WWP2: variants seen among roughly 807,000 people sequenced by gnomAD.
WWP2 encodes NEDD4-like E3 ubiquitin-protein ligase WWP2.
A neutral mutation model predicts 121.0 loss-of-function variants in WWP2; 57 were observed. The observed-to-expected ratio is 0.47, with a 90% CI of 0.38 to 0.59. The LOEUF is 0.59. Ranked by LOEUF, WWP2 falls within the 20% of genes least tolerant of loss-of-function variation. The pLI is 0.00. For missense variants in WWP2, 962 were observed against 1,158.9 expected (o/e 0.83, Z 2.47); for synonymous variants, 449 against 441.3 (o/e 1.02, Z -0.22).
At chr16:69,762,998 AG>A (rs1436994578) in intron 1 of WWP2, among the ~76,000 whole-genome samples, 1 of 152,164 alleles carries the variant, frequency 6.6e-6, no homozygotes, top group Admixed American at 6.5e-5. Flanking sequence ...TTGGGAGCCT[AG>A]CCCTTCAGCT....
rs1177783299 is a variant in WWP2 at position 69,795,257 on chromosome 16, G to GAC, written c.71-3424_71-3423insCA. ...GGTTTTACCTAGGAAAAAAAATGCG[G>GAC]ATACACACACACACACACACACACA... On this transcript the variant is annotated intron_variant, in intron 2 of 23. Transcript: ENST00000359154. Among the ~76,000 whole-genome samples, 409 of 56,550 alleles carry GAC rather than the reference G, an allele frequency of 7.2e-3. 1 individual carries two copies. Among genetic ancestry groups the GAC allele is most frequent in the African/African-American group, 0.031 (393 of 12,672 alleles). 37.1% of individuals were successfully genotyped at this position (56,550 alleles called of 152,430 possible). A position where few individuals can be genotyped will look rare whatever the true frequency, so the allele number is the denominator to read the frequency against.
At chr16:69,874,469 C>T (rs1004308982) in intron 7 of WWP2, among the ~76,000 whole-genome samples, 2 of 152,150 alleles carry the variant, frequency 1.3e-5, no homozygotes, top group Non-Finnish European at 2.9e-5. Flanking sequence ...CTGCGCACTG[C>T]AGTTATGCAT....
chr16:69,796,487 C>G (rs904389021), intron 2 of WWP2, among the ~76,000 whole-genome samples: 1 of 152,248 alleles, frequency 6.6e-6, no homozygotes, highest in Admixed American at 6.5e-5. Flanking sequence ...GATCACGTGG[C>G]TGACTGGTGT....
At position 69,872,058 on chromosome 16, in the gene WWP2, CTG is replaced by C. The variant is rs1364705827; in HGVS notation, c.703+128_703+129del. 1.5e-4 allele frequency: 202 copies of C among 1,383,970 alleles called. 1 individual carries two copies. In the East Asian group the frequency reaches 5.0e-3, roughly 34 times the overall value. The allele number at this position is 1,383,970 out of a possible 1,614,324, so 85.7% of individuals were successfully genotyped here. On this transcript the variant is annotated intron_variant, in intron 7 of 23. Transcript: ENST00000359154. ...GGCGTCAGAAGGCTCTAGGACTAAACTGGATTTGAATCCATCAGTCTTTCTAC... is the reference window on the plus strand; with the variant it reads ...GGCGTCAGAAGGCTCTAGGACTAAACGATTTGAATCCATCAGTCTTTCTAC...
At chr16:69,939,447 G>A (rs201053246) in intron 23 of WWP2, 34 bp downstream of exon 23, 6 of 1,610,246 alleles carry the variant, frequency 3.7e-6, no homozygotes, top group Admixed American at 3.3e-5. Flanking sequence ...AGGTCGGGGG[G>A]CCTCAGACCC....
At chr16:69,882,859 G>A (rs2057855757) in intron 7 of WWP2, among the ~76,000 whole-genome samples, 2 of 152,052 alleles carry the variant, frequency 1.3e-5, no homozygotes, top group South Asian at 4.1e-4. Flanking sequence ...ACAGTTAAAA[G>A]TTAATACAGC....
intron 4 of WWP2, among the ~76,000 whole-genome samples, chr16:69,826,430 G>A (rs1227292658): frequency 2.0e-5 from 3 of 151,548 alleles, no homozygotes; most frequent in Non-Finnish European, 4.4e-5. Flanking sequence ...AAATTAGCCG[G>A]GCGTGATGGT....
chr16:69,816,722 TACAC>T (rs1243096430), intron 4 of WWP2, among the ~76,000 whole-genome samples: 3 of 152,224 alleles, frequency 2.0e-5, no homozygotes, highest in African/African-American at 7.2e-5. Context: ...CACATGTACA[TACAC>T]ACATGCACAC....
At chr16:69,912,923 CAAAAAAAAAAAAAAAAAAAAA>C in intron 9 of WWP2, among the ~76,000 whole-genome samples, 1 of 2,098 alleles carries the variant, frequency 4.8e-4, no homozygotes, top group Non-Finnish European at 6.1e-4. Flanking sequence ...CTCTACAAAA[CAAAAAAAAAAAAAAAAAAAAA>C]AAAAAAAAAA....
At chr16:69,835,813 TTTTTTTTGAGACAGAGTC>T (rs1340234734) in intron 4 of WWP2, among the ~76,000 whole-genome samples, 1 of 151,770 alleles carries the variant, frequency 6.6e-6, no homozygotes, top group Non-Finnish European at 1.5e-5. Context: ...AATTTTTTTT[TTTTTTTTGAGACAGAGTC>T]TTGCTCTGTT....
chr16:69,789,402 G>A (rs753799970), intron 2 of WWP2, among the ~76,000 whole-genome samples: 11 of 152,122 alleles, frequency 7.2e-5, no homozygotes, highest in Admixed American at 1.3e-4. Context: ...GCTACTTTTT[G>A]TATATTTAGT....
At chr16:69,796,754 T>C (rs2056055957) in intron 2 of WWP2, among the ~76,000 whole-genome samples, 1 of 152,236 alleles carries the variant, frequency 6.6e-6, no homozygotes, top group African/African-American at 2.4e-5. Context: ...CCCTGGGCCA[T>C]GCCTCAGTAC....
intron 6 of WWP2, among the ~76,000 whole-genome samples, chr16:69,848,759 A>G (rs62051391): frequency 0.047 from 7,152 of 151,824 alleles, 265 homozygotes; most frequent in Non-Finnish European, 0.062. Context: ...CGCACATGAG[A>G]GAGTGTGTAT....
chr16:69,841,074 A>G (rs2056968756), intron 5 of WWP2, among the ~76,000 whole-genome samples: 1 of 152,194 alleles, frequency 6.6e-6, no homozygotes, highest in South Asian at 2.1e-4. Flanking sequence ...CACTCATTCA[A>G]CACATATATA....
At chr16:69,862,973 G>A (rs940823097) in intron 6 of WWP2, among the ~76,000 whole-genome samples, 1 of 151,656 alleles carries the variant, frequency 6.6e-6, no homozygotes, top group African/African-American at 2.4e-5. Context: ...GCAGTCCTCC[G>A]CCCTTGGCCT....
At chr16:69,843,951 G>T (rs550388315) in intron 6 of WWP2, among the ~76,000 whole-genome samples, 1 of 152,150 alleles carries the variant, frequency 6.6e-6, no homozygotes, top group African/African-American at 2.4e-5. Context: ...GCCAATACCC[G>T]CAGCATCTTA....
intron 19 of WWP2, chr16:69,936,746 G>A (rs1195560797): frequency 7.9e-6 from 4 of 504,202 alleles, no homozygotes; most frequent in East Asian, 3.6e-5. Context: ...ATCTTTCTCC[G>A]GGCCGAAAGG....
Position 69,844,489 on chromosome 16 carries a change from C to T in WWP2, c.575+2369C>T, listed in dbSNP as rs75979388. ...CACCCATATAACTTAATTTGGGGCT[C>T]AAAGTCAGATTCAGCTATTAACAAG... On this transcript the variant is annotated intron_variant, in intron 6 of 23. Coordinates refer to ENST00000359154, the MANE Select transcript of WWP2 (RefSeq NM_001270454.2). Among the ~76,000 whole-genome samples the T allele has an allele frequency of 8.7e-3, 1,314 of 151,734 alleles. 9 individuals are homozygous for T. Among genetic ancestry groups the T allele is most frequent in the Non-Finnish European group, 0.013 (882 of 67,986 alleles).
At chr16:69,838,962 T>C (rs2056925467) in intron 4 of WWP2, 1 of 916,324 alleles carries the variant, frequency 1.1e-6, no homozygotes, top group Admixed American at 6.8e-5. Context: ...CTTAAAGGGT[T>C]GTATCTGTAG....
Sources: allele counts gnomAD v4.1 joint callset (sites outside exome capture counted in the v4.1 genomes callset), GRCh38; gene constraint gnomAD v4.1.1; transcripts MANE v1.5; gene names NCBI Gene and HGNC (gene_info 2026-07-23, HGNC 2026-07-21).